Variants in GALNT17 observed in about 807,000 individuals in gnomAD.
GALNT17 encodes polypeptide N-acetylgalactosaminyltransferase 17.
A neutral mutation model predicts 63.7 loss-of-function variants in GALNT17; 29 were observed. The ratio of observed to expected loss-of-function variants is 0.46; its 90% confidence interval spans 0.34 to 0.62. GALNT17 has a LOEUF of 0.62. GALNT17 is among the 20% of genes least tolerant of loss of function. The probability of loss-of-function intolerance (pLI) is 0.01; values close to 1 mark genes in which losing one functional copy is unlikely to be tolerated. For missense variants in GALNT17, 603 were observed against 799.6 expected, an observed-to-expected ratio of 0.75 and a Z score of 2.97; for synonymous variants, 305 against 318.3, an observed-to-expected ratio of 0.96 and a Z score of 0.45.
chr7:71,671,743 T>C (rs569199886), intron 8 of GALNT17, among the ~76,000 whole-genome samples: 124 of 152,258 alleles, frequency 8.1e-4, no homozygotes, highest in Non-Finnish European at 1.3e-3. Context: ...GTACCTGGCA[T>C]GGCCAAGCAC....
chr7:71,586,075 T>G (rs1789713066), intron 6 of GALNT17, among the ~76,000 whole-genome samples: 1 of 152,044 alleles, frequency 6.6e-6, no homozygotes, highest in Non-Finnish European at 1.5e-5. Flanking sequence ...ACCTGGCTAA[T>G]TTTTGTATTT....
chr7:71,409,731 A>T (rs1166506644), intron 3 of GALNT17, among the ~76,000 whole-genome samples: 2 of 152,220 alleles, frequency 1.3e-5, no homozygotes, highest in Admixed American at 1.3e-4. Context: ...GTGCAGTAAC[A>T]GATCAATTAT....
intron 6 of GALNT17, among the ~76,000 whole-genome samples, chr7:71,614,956 C>T (rs753143628): frequency 3.6e-4 from 54 of 152,042 alleles, no homozygotes; most frequent in Non-Finnish European, 6.2e-4. Context: ...TCAAGCACTT[C>T]GAATAAGGGA....
chr7:71,180,475 G>T (rs1788715991), intron 1 of GALNT17, among the ~76,000 whole-genome samples: 1 of 152,092 alleles, frequency 6.6e-6, no homozygotes, highest in African/African-American at 2.4e-5. Flanking sequence ...TGAATGGTGG[G>T]AAAGAAGGCT....
chr7:71,676,436 T>G (rs1203260155), intron 8 of GALNT17, among the ~76,000 whole-genome samples: 1 of 151,306 alleles, frequency 6.6e-6, no homozygotes, highest in African/African-American at 2.4e-5. Flanking sequence ...CAGGCTGGAG[T>G]GAAGTGGTGC....
chr7:71,370,428 A>T (rs1286860950), intron 2 of GALNT17, among the ~76,000 whole-genome samples: 2 of 151,112 alleles, frequency 1.3e-5, no homozygotes, highest in African/African-American at 4.9e-5. Context: ...CCTCCTGTGT[A>T]GCTGAGACTA....
At chr7:71,139,057 GCTTT>G (rs754672366) in intron 1 of GALNT17, among the ~76,000 whole-genome samples, 1 of 152,154 alleles carries the variant, frequency 6.6e-6, no homozygotes, top group Non-Finnish European at 1.5e-5. Context: ...GTGATTTTTG[GCTTT>G]CTATCATGTT....
intron 1 of GALNT17, among the ~76,000 whole-genome samples, chr7:71,148,714 C>G (rs73361710): frequency 0.019 from 2,955 of 151,858 alleles, 65 homozygotes; most frequent in African/African-American, 0.057. Flanking sequence ...TTTTACATCT[C>G]TGAAATTGGG....
rs538716615 is a variant in GALNT17, at chr7:71,503,824, C to T, written c.963-67461C>T. Among the ~76,000 whole-genome samples the T allele has an allele frequency of 5.9e-5, 9 of 152,148 alleles. No homozygotes were observed. In the South Asian group the frequency reaches 6.2e-4, roughly 11 times the overall value. On this transcript the variant is annotated intron_variant, in intron 5 of 10. Coordinates refer to ENST00000333538, the MANE Select transcript of GALNT17 (RefSeq NM_022479.3). ...AAATACGTTAATAAGGGCTGGGCAC[C>T]GTGGCTCACGCTTGTAATCCCAGCA...
intron 6 of GALNT17, among the ~76,000 whole-genome samples, chr7:71,659,072 G>C (rs1562725640): frequency 6.6e-6 from 1 of 152,214 alleles, no homozygotes; most frequent in East Asian, 1.9e-4. Context: ...TTCTTCAGTG[G>C]CTTCTCATTT....
At chr7:71,578,688 C>T (rs1271946624) in intron 6 of GALNT17, among the ~76,000 whole-genome samples, 1 of 152,122 alleles carries the variant, frequency 6.6e-6, no homozygotes, top group African/African-American at 2.4e-5. Flanking sequence ...GCCCCAGGAA[C>T]CTGAATGAAA....
intron 1 of GALNT17, among the ~76,000 whole-genome samples, chr7:71,207,572 G>A (rs921212763): frequency 6.6e-6 from 1 of 152,168 alleles, no homozygotes; most frequent in Non-Finnish European, 1.5e-5. Flanking sequence ...CGGGTGGGTT[G>A]GGGTAGGGAG....
chr7:71,286,763 CT>C (rs1562971292), intron 1 of GALNT17, among the ~76,000 whole-genome samples: 8 of 142,466 alleles, frequency 5.6e-5, no homozygotes, highest in East Asian at 2.0e-4. Flanking sequence ...TTTTTTTTTT[CT>C]TTTTTTGTTT....
intron 5 of GALNT17, among the ~76,000 whole-genome samples, chr7:71,554,836 T>C (rs917390983): frequency 1.3e-5 from 2 of 152,232 alleles, no homozygotes; most frequent in African/African-American, 4.8e-5. Flanking sequence ...TCCAGACTTA[T>C]TCCCCAGCCC....
intron 1 of GALNT17, among the ~76,000 whole-genome samples, chr7:71,261,476 G>A (rs188632387): frequency 6.6e-6 from 1 of 152,300 alleles, no homozygotes; most frequent in African/African-American, 2.4e-5. Context: ...CACAGATCCC[G>A]GGTTCTCCTG....
intron 1 of GALNT17, among the ~76,000 whole-genome samples, chr7:71,268,129 G>A (rs369007958): frequency 4.1e-4 from 62 of 152,258 alleles, no homozygotes; most frequent in African/African-American, 1.4e-3. Context: ...TCTCTCTAAG[G>A]AAAAGATGAG....
rs894286452 is a variant in GALNT17, at chr7:71,409,172, G to A, written c.590-6717G>A. Reference sequence around the variant, plus strand: ...TTTTTAGATGAGGCAGGACAAGTAGGTCGTAGGCAGTGGGGAAAGTGGAGA... The same window carrying A: ...TTTTTAGATGAGGCAGGACAAGTAGATCGTAGGCAGTGGGGAAAGTGGAGA... On this transcript the variant is annotated intron_variant, in intron 3 of 10. Transcript: ENST00000333538. Among the ~76,000 whole-genome samples, 7 of 152,148 alleles carry A rather than the reference G, an allele frequency of 4.6e-5. No individual in the cohort carries two copies. The South Asian group carries it at 1.5e-3, about 32-fold the overall frequency.
At chr7:71,701,837 A>C in intron 9 of GALNT17, among the ~76,000 whole-genome samples, 1 of 26,914 alleles carries the variant, frequency 3.7e-5, no homozygotes, top group Non-Finnish European at 6.5e-5. Context: ...ACACATATAT[A>C]TATGTGTATA....
At chr7:71,502,961 G>T (rs1217053273) in intron 5 of GALNT17, among the ~76,000 whole-genome samples, 1 of 152,136 alleles carries the variant, frequency 6.6e-6, no homozygotes, top group Non-Finnish European at 1.5e-5. Context: ...AGACATTGTT[G>T]AAATGTCTGC....
Sources: allele counts gnomAD v4.1 joint callset (sites outside exome capture counted in the v4.1 genomes callset), GRCh38; gene constraint gnomAD v4.1.1; transcripts MANE v1.5; gene names NCBI Gene and HGNC (gene_info 2026-07-23, HGNC 2026-07-21).